JAKMIP1: variants seen among roughly 807,000 people sequenced by gnomAD.
The protein encoded by JAKMIP1 is janus kinase and microtubule-interacting protein 1.
In JAKMIP1, 33 loss-of-function variants were observed where a neutral mutation model predicts 113.0. The ratio of observed to expected loss-of-function variants is 0.29; its 90% CI spans 0.22 to 0.39. JAKMIP1 has a LOEUF of 0.39. JAKMIP1 is among the 10% of genes least tolerant of loss of function. The pLI is 1.00. For synonymous variants in JAKMIP1, 480 were observed against 459.9 expected (o/e 1.04, Z -0.56); for missense variants, 813 against 1,080.5 (o/e 0.75, Z 3.47).
At position 6,064,935 on chromosome 4, in the gene JAKMIP1, T is replaced by C. The variant is rs954317771; in HGVS notation, c.1376A>G (p.Tyr459Cys). ...VDSETLSETS[Y>C]NTDRTDRTPA... ...GGTCCTGTCTGTCCTGTCTGTGTTG[T>C]AGGATGTTTCGGACAACGTTTCTGA... The change falls in exon 9 of 21, where the codon TAC becomes TGC. Residue 459 changes from tyrosine to cysteine, a missense_variant. Transcript: ENST00000409021. The surrounding 1 kb of genome is among the most constrained non-coding windows in gnomAD (Gnocchi z 4.3). 1.9e-6 allele frequency: 3 copies of C among 1,613,992 alleles called. No individual in the cohort carries two copies. Among genetic ancestry groups the C allele is most frequent in the African/African-American group, 2.7e-5 (2 of 74,922 alleles).
At chr4:6,172,828 CACTG>C (rs1295636900) in intron 1 of JAKMIP1, among the ~76,000 whole-genome samples, 8 of 151,910 alleles carry the variant, frequency 5.3e-5, no homozygotes, top group Non-Finnish European at 8.8e-5. Flanking sequence ...ACACCACAAA[CACTG>C]ACTGTGCATC....
At chr4:6,170,376 C>A (rs1229170945) in intron 1 of JAKMIP1, among the ~76,000 whole-genome samples, 4 of 150,708 alleles carry the variant, frequency 2.7e-5, no homozygotes, top group Non-Finnish European at 4.4e-5. Context: ...TCTATCACCA[C>A]CATCACCACC....
At chr4:6,047,871 G>A (rs1312911045) in intron 16 of JAKMIP1, among the ~76,000 whole-genome samples, 1 of 152,134 alleles carries the variant, frequency 6.6e-6, no homozygotes, top group East Asian at 1.9e-4. Flanking sequence ...AGTGTAAAAG[G>A]CAAACAAATC....
intron 1 of JAKMIP1, among the ~76,000 whole-genome samples, chr4:6,144,042 A>G (rs138501404): frequency 6.6e-6 from 1 of 152,194 alleles, no homozygotes; most frequent in Non-Finnish European, 1.5e-5. Flanking sequence ...GAGGCTCAGG[A>G]AGGAGGAGCT....
At position 6,082,099 on chromosome 4, in the gene JAKMIP1, G is replaced by A. The variant is rs190004987; in HGVS notation, c.955-344C>T. The stretch of plus-strand genomic sequence containing the variant: ...AGGCACAGCCAACACATGTGAAGGG[G>A]CCACCTTCCCCATCCGCATTTTATA... On this transcript the variant is annotated intron_variant, in intron 5 of 20. Coordinates refer to ENST00000409021, the MANE Select transcript of JAKMIP1 (RefSeq NM_001099433.2). 7.6e-4 allele frequency among the ~76,000 whole-genome samples: 115 copies of A among 152,164 alleles called. 2 individuals are homozygous for A. The highest frequency in any genetic ancestry group is 2.5e-3 in the African/African-American group (102 of 41,530).
chr4:6,063,904 GCAAGGGGAGCTTGT>G (rs1220408834), intron 9 of JAKMIP1, among the ~76,000 whole-genome samples: 1 of 152,248 alleles, frequency 6.6e-6, no homozygotes, highest in East Asian at 1.9e-4. Flanking sequence ...GTGCAGCACA[GCAAGGGGAGCTTGT>G]GGAGACCTGG....
intron 16 of JAKMIP1, among the ~76,000 whole-genome samples, chr4:6,043,324 C>T (rs1000389002): frequency 3.3e-5 from 5 of 152,008 alleles, no homozygotes; most frequent in African/African-American, 9.7e-5. Context: ...GCTCCCCCAG[C>T]TTCCTTGTAC....
At chr4:6,078,190 C>T (rs1719952814) in intron 8 of JAKMIP1, among the ~76,000 whole-genome samples, 1 of 152,066 alleles carries the variant, frequency 6.6e-6, no homozygotes, top group Non-Finnish European at 1.5e-5. Flanking sequence ...TGGCATGTGC[C>T]TGTAGTCCCA....
At chr4:6,105,149 C>T (rs898744762) in intron 3 of JAKMIP1, among the ~76,000 whole-genome samples, 3 of 152,238 alleles carry the variant, frequency 2.0e-5, no homozygotes, top group African/African-American at 4.8e-5. Flanking sequence ...TGGCATCTTA[C>T]CTGGAGATGG....
chr4:6,141,951 G>C lies in JAKMIP1; in HGVS notation c.-147-28954C>G, dbSNP rs1346239680. 6.6e-6 allele frequency among the ~76,000 whole-genome samples: 1 copy of C among 152,164 alleles called. No homozygotes were observed. The highest frequency in any genetic ancestry group is 1.5e-5 in the Non-Finnish European group (1 of 68,032). Reference sequence around the variant, plus strand: ...AGTTTACTCCAATAAAGAAACTTGGGAGAACACAGAAAAGGAAAAGGAAGA... The same window carrying C: ...AGTTTACTCCAATAAAGAAACTTGGCAGAACACAGAAAAGGAAAAGGAAGA... On this transcript the variant is annotated intron_variant, in intron 1 of 20. Coordinates refer to ENST00000409021, the MANE Select transcript of JAKMIP1 (RefSeq NM_001099433.2). This position sits in a 1 kb window ranked among gnomAD's most constrained non-coding sequence, Gnocchi z 9.4.
chr4:6,079,728 A>G (rs1720227820), intron 7 of JAKMIP1, among the ~76,000 whole-genome samples: 1 of 152,176 alleles, frequency 6.6e-6, no homozygotes, highest in African/African-American at 2.4e-5. Flanking sequence ...CAGTCTTAGC[A>G]AGGTGCTGGT....
chr4:6,099,704 C>T (rs1426779746), intron 3 of JAKMIP1, among the ~76,000 whole-genome samples: 1 of 152,226 alleles, frequency 6.6e-6, no homozygotes. Context: ...TCCTATCTGG[C>T]ATTGTTTCTC....
intron 1 of JAKMIP1, among the ~76,000 whole-genome samples, chr4:6,149,533 C>T (rs1269664644): frequency 2.0e-5 from 3 of 152,168 alleles, no homozygotes; most frequent in East Asian, 1.9e-4. Flanking sequence ...AACTCGCACT[C>T]GAAATCCCAG....
At chr4:6,035,080 CG>C (rs1307232373) in intron 19 of JAKMIP1, among the ~76,000 whole-genome samples, 1 of 152,120 alleles carries the variant, frequency 6.6e-6, no homozygotes, top group Non-Finnish European at 1.5e-5. Context: ...TCTACAGTTG[CG>C]TGAGGCAGTT....
At position 6,067,899 on chromosome 4, in the gene JAKMIP1, C is replaced by A. The variant is rs1375966465; in HGVS notation, c.1303-2891G>T. Among the ~76,000 whole-genome samples the A allele has an allele frequency of 6.6e-6, 1 of 152,184 alleles. No homozygotes were observed. Among genetic ancestry groups the A allele is most frequent in the Non-Finnish European group, 1.5e-5 (1 of 68,030 alleles). On this transcript the variant is annotated intron_variant, in intron 8 of 20. Coordinates refer to ENST00000409021, the MANE Select transcript of JAKMIP1 (RefSeq NM_001099433.2). This position sits in a 1 kb window ranked among gnomAD's most constrained non-coding sequence, Gnocchi z 4.6. The stretch of plus-strand genomic sequence containing the variant: ...CACATTTTTCTGAACAGCCACTGAG[C>A]TGACCTTATTTCTTGTAAACACTGC...
chr4:6,152,183 AG>A (rs1721647779), intron 1 of JAKMIP1, among the ~76,000 whole-genome samples: 1 of 152,096 alleles, frequency 6.6e-6, no homozygotes, highest in African/African-American at 2.4e-5. Flanking sequence ...GGAGGGAGGA[AG>A]TCAAATCAAC....
chr4:6,046,363 G>A (rs1295192580), intron 16 of JAKMIP1, among the ~76,000 whole-genome samples: 2 of 152,332 alleles, frequency 1.3e-5, no homozygotes, highest in African/African-American at 4.8e-5. Context: ...GTGTCTCCTA[G>A]AACCCAACCT....
In JAKMIP1 at chr4:6,059,798, C is replaced by T. The variant is rs963448867; in HGVS notation, c.1644+626G>A. 2.6e-5 allele frequency among the ~76,000 whole-genome samples: 4 copies of T among 152,070 alleles called. No individual in the cohort carries two copies. The highest frequency in any genetic ancestry group is 4.4e-5 in the Non-Finnish European group (3 of 68,010). The stretch of plus-strand genomic sequence containing the variant: ...GCAGCACTTCTGACACAGAGGAGGC[C>T]GACCCATACGAACCTTCGCATGCCA... On this transcript the variant is annotated intron_variant, in intron 11 of 20. Transcript: ENST00000409021. The surrounding 1 kb of genome is among the most constrained non-coding windows in gnomAD (Gnocchi z 4.8).
intron 1 of JAKMIP1, among the ~76,000 whole-genome samples, chr4:6,128,932 C>A (rs575677297): frequency 1.3e-5 from 2 of 152,366 alleles, no homozygotes; most frequent in South Asian, 4.1e-4. Context: ...CCCCCACACC[C>A]AGGGGGTGCC....
Sources: allele counts gnomAD v4.1 joint callset (sites outside exome capture counted in the v4.1 genomes callset), GRCh38; gene constraint gnomAD v4.1.1; non-coding constraint Gnocchi (gnomAD v3.1); transcripts MANE v1.5; gene names NCBI Gene and HGNC (gene_info 2026-07-23, HGNC 2026-07-21).